NCOA1: variants seen among roughly 807,000 people sequenced by gnomAD.
NCOA1 encodes the protein Hin-2 protein.
NCOA1 carries 35 observed loss-of-function variants against 150.9 expected under a neutral mutation model. That is an observed-to-expected ratio of 0.23 (90% CI 0.18 to 0.31). NCOA1 has a LOEUF of 0.31. NCOA1 is among the 10% of genes least tolerant of loss of function. The probability of loss-of-function intolerance (pLI) is 1.00; values close to 1 mark genes in which losing one functional copy is unlikely to be tolerated. For missense variants in NCOA1, 1,491 were observed against 1,749.3 expected, an observed-to-expected ratio of 0.85 and a Z score of 2.63; for synonymous variants, 590 against 630.0, an observed-to-expected ratio of 0.94 and a Z score of 0.95.
At chr2:24,492,676 A>AT in intron 1 of NCOA1, among the ~76,000 whole-genome samples, 1 of 152,118 alleles carries the variant, frequency 6.6e-6, no homozygotes, top group African/African-American at 2.4e-5. Flanking sequence ...AGAAGGTGAC[A>AT]TTTTTTCTTC....
At chr2:24,660,395 A>G (rs1671130472) in intron 5 of NCOA1, among the ~76,000 whole-genome samples, 1 of 152,086 alleles carries the variant, frequency 6.6e-6, no homozygotes, top group Non-Finnish European at 1.5e-5. Context: ...CCTGTTTAAA[A>G]GTAATACAAT....
chr2:24,578,755 A>G (rs1667085927), intron 2 of NCOA1, among the ~76,000 whole-genome samples: 1 of 152,186 alleles, frequency 6.6e-6, no homozygotes. Flanking sequence ...AAGGGCATGG[A>G]TTAATGATCT....
chr2:24,582,752 A>G (rs1351266236), intron 2 of NCOA1, among the ~76,000 whole-genome samples: 2 of 152,192 alleles, frequency 1.3e-5, no homozygotes, highest in Non-Finnish European at 2.9e-5. Flanking sequence ...TGGCATAAAA[A>G]CAGACACATA....
intron 10 of NCOA1, among the ~76,000 whole-genome samples, chr2:24,694,118 G>A (rs55857736): frequency 0.038 from 5,788 of 152,214 alleles, 172 homozygotes; most frequent in Non-Finnish European, 0.057. Context: ...TAGAAGGAGG[G>A]CAGGAGAGCC....
At chr2:24,694,679 T>C (rs17046481) in intron 10 of NCOA1, among the ~76,000 whole-genome samples, 12,789 of 152,146 alleles carry the variant, frequency 0.084, 598 homozygotes, top group East Asian at 0.13. Flanking sequence ...TTATCAATTA[T>C]CATAGCCTTC....
intron 1 of NCOA1, among the ~76,000 whole-genome samples, chr2:24,506,436 G>A (rs1663698639): frequency 6.6e-6 from 1 of 152,090 alleles, no homozygotes; most frequent in Non-Finnish European, 1.5e-5. Flanking sequence ...CTTGCTTTGA[G>A]GACTTTTGGG....
intron 22 of NCOA1, chr2:24,767,992 G>C (rs778028230): frequency 6.2e-5 from 85 of 1,369,062 alleles, no homozygotes; most frequent in Non-Finnish European, 8.4e-5. Flanking sequence ...TATAGGAGGC[G>C]TGACCATTCC....
rs1404346422 is a variant in NCOA1, at chr2:24,739,703, G to T, written c.3303+170G>T. 2.6e-5 allele frequency among the ~76,000 whole-genome samples: 4 copies of T among 152,106 alleles called. No individual in the cohort carries two copies. The East Asian group carries it at 7.7e-4, about 29-fold the overall frequency. On this transcript the variant is annotated intron_variant, in intron 18 of 22. Coordinates refer to ENST00000348332, the MANE Select transcript of NCOA1 (RefSeq NM_003743.5). ...TAATCTACTTTTGATACCTCTTACTGATATTTGATCTAAAGCAAATGGTGC... is the reference window on the plus strand; with the variant it reads ...TAATCTACTTTTGATACCTCTTACTTATATTTGATCTAAAGCAAATGGTGC...
intron 1 of NCOA1, among the ~76,000 whole-genome samples, chr2:24,549,934 G>A (rs1164482939): frequency 1.3e-5 from 2 of 152,008 alleles, no homozygotes; most frequent in African/African-American, 4.8e-5. Flanking sequence ...ATGTTTTATT[G>A]CTTAGAAATT....
chr2:24,629,158 A>G (rs1344476171), intron 3 of NCOA1, among the ~76,000 whole-genome samples: 1 of 152,210 alleles, frequency 6.6e-6, no homozygotes, highest in African/African-American at 2.4e-5. Flanking sequence ...AGGCAAATGC[A>G]TGCAGGCCCT....
intron 1 of NCOA1, among the ~76,000 whole-genome samples, chr2:24,539,721 G>A (rs1665311211): frequency 6.6e-6 from 1 of 152,156 alleles, no homozygotes; most frequent in Admixed American, 6.5e-5. Flanking sequence ...GACACAAGAA[G>A]AGGAACTCTC....
At chr2:24,609,010 A>T (rs1383452827) in intron 3 of NCOA1, among the ~76,000 whole-genome samples, 1 of 152,196 alleles carries the variant, frequency 6.6e-6, no homozygotes, top group Non-Finnish European at 1.5e-5. Context: ...GTGTTAAATT[A>T]ACCTCCATCA....
chr2:24,606,342 T>G (rs1668363081), intron 3 of NCOA1, among the ~76,000 whole-genome samples: 1 of 152,160 alleles, frequency 6.6e-6, no homozygotes, highest in Non-Finnish European at 1.5e-5. Context: ...GTTTGAGAGA[T>G]TCTCCTGTCT....
At chr2:24,662,768 G>A (rs1671241284) in intron 5 of NCOA1, among the ~76,000 whole-genome samples, 2 of 151,694 alleles carry the variant, frequency 1.3e-5, no homozygotes, top group African/African-American at 4.8e-5. Flanking sequence ...TAAATGACAG[G>A]AAGTTTGGGC....
At chr2:24,550,511 G>A (rs72805216) in intron 1 of NCOA1, among the ~76,000 whole-genome samples, 6,903 of 152,136 alleles carry the variant, frequency 0.045, 245 homozygotes, top group East Asian at 0.19. Context: ...ATCAGATCTC[G>A]AGAGATTTAT....
chr2:24,591,045 T>C (rs1475555112), intron 3 of NCOA1, among the ~76,000 whole-genome samples: 1 of 152,220 alleles, frequency 6.6e-6, no homozygotes, highest in African/African-American at 2.4e-5. Context: ...TATCAAAATT[T>C]AGATAATTGT....
intron 2 of NCOA1, among the ~76,000 whole-genome samples, chr2:24,577,335 A>G (rs1358658670): frequency 6.6e-6 from 1 of 152,246 alleles, no homozygotes; most frequent in East Asian, 1.9e-4. Flanking sequence ...CCACAGATTT[A>G]ATATATTTTC....
chr2:24,760,348 G>A (rs1664730889), intron 21 of NCOA1, among the ~76,000 whole-genome samples: 1 of 143,226 alleles, frequency 7.0e-6, no homozygotes, highest in Admixed American at 7.1e-5. Context: ...TGGTAGAGAT[G>A]GGGTTTCACT....
chr2:24,562,534 T>A (rs551252205), intron 1 of NCOA1, among the ~76,000 whole-genome samples: 3 of 152,152 alleles, frequency 2.0e-5, no homozygotes, highest in Non-Finnish European at 4.4e-5. Context: ...CTAGTAGGGC[T>A]GGAAGAGGTA....
Sources: allele counts gnomAD v4.1 joint callset (sites outside exome capture counted in the v4.1 genomes callset), GRCh38; gene constraint gnomAD v4.1.1; transcripts MANE v1.5; gene names NCBI Gene and HGNC (gene_info 2026-07-23, HGNC 2026-07-21).